COL16A1: variants seen among roughly 807,000 people sequenced by gnomAD.
The protein encoded by COL16A1 is collagen alpha-1(XVI) chain.
A neutral mutation model predicts 266.3 loss-of-function variants in COL16A1; 189 were observed. The ratio of observed to expected loss-of-function variants is 0.71; its 90% CI spans 0.63 to 0.80. COL16A1 has a LOEUF of 0.80. COL16A1 is among the 30% of genes least tolerant of loss of function. The pLI is 0.00. For missense variants in COL16A1, 1,928 were observed against 2,122.4 expected (o/e 0.91, Z 1.80); for synonymous variants, 740 against 782.3 (o/e 0.95, Z 0.90).
At chr1:31,678,531 A>C (rs1216588953) in intron 42 of COL16A1, among the ~76,000 whole-genome samples, 1 of 152,204 alleles carries the variant, frequency 6.6e-6, no homozygotes, top group Non-Finnish European at 1.5e-5. Context: ...TCCAGCTGTG[A>C]CTTAGGAATA....
chr1:31,684,455 C>T, intron 31 of COL16A1, 68 bp downstream of exon 31: 2 of 1,573,772 alleles, frequency 1.3e-6, no homozygotes, highest in South Asian at 1.2e-5. Context: ...GTCCTTCCCT[C>T]ACTGGTGCGA....
chr1:31,661,261 G>C, intron 60 of COL16A1, 142 bp from the exon 61 acceptor site: 1 of 1,492,460 alleles, frequency 6.7e-7, no homozygotes, highest in Admixed American at 1.9e-5. Context: ...GGTAGACAGA[G>C]AAGCCCTGAC....
At position 31,662,618 on chromosome 1, in the gene COL16A1, G is replaced by A; in HGVS notation, c.3596C>T (p.Ser1199Phe). 1 of 1,563,842 alleles carries A rather than the reference G, an allele frequency of 6.4e-7. No homozygotes were observed. The change falls in exon 57 of 71, where the codon TCC (serine) becomes TTC (phenylalanine). Residue 1199 changes from serine to phenylalanine, a missense_variant. Transcript: ENST00000373672. ...CCCAGGAGGTCCCGGTGGCCCAGGG[G>A]AGCCAGGCAGGCCTGATGGGCCTCG... ...GIRGPSGLPG[S>F]PGPPGPPGIQ...
chr1:31,652,690 CT>C lies in COL16A1; in HGVS notation c.4775del (p.Gln1592ArgfsTer5). On this transcript the variant is annotated frameshift_variant, in exon 71 of 71. Coordinates refer to ENST00000373672, the MANE Select transcript of COL16A1 (RefSeq NM_001856.4). LOFTEE classifies it high-confidence loss of function. The surrounding 1 kb of genome is among the most constrained non-coding windows in gnomAD (Gnocchi z 4.8). ...CCTTCATGGTTTTCATGGGTGGGTA[CT>C]GCTGCTCCATCGGCATGGCCCCAAA... The part of the protein sequence containing the change: ...DCFGAMPMEQ[Q>X]YPPMKTMKGP... 1 of 1,604,646 alleles carries C rather than the reference CT, an allele frequency of 6.2e-7. No homozygotes were observed. Among genetic ancestry groups the C allele is most frequent in the Non-Finnish European group, 8.5e-7 (1 of 1,177,182 alleles).
chr1:31,662,456 A>G (rs1213559641), intron 57 of COL16A1, 69 bp from the exon 58 acceptor site: 22 of 1,574,884 alleles, frequency 1.4e-5, no homozygotes, highest in Non-Finnish European at 1.9e-5. Flanking sequence ...GCCTGGCCCA[A>G]CCCCTCAATT....
Position 31,696,124 on chromosome 1 carries a change from C to G in COL16A1, c.882G>C (p.Thr294=). The G allele has an allele frequency of 6.2e-7, 1 of 1,613,672 alleles. No homozygotes were observed. Among genetic ancestry groups the G allele is most frequent in the Non-Finnish European group, 8.5e-7 (1 of 1,179,792 alleles). The change falls in exon 9 of 71, where the codon ACG becomes ACC. Residue 294 remains threonine (T), a synonymous_variant. Coordinates refer to ENST00000373672, the MANE Select transcript of COL16A1 (RefSeq NM_001856.4). ...PQNSEVDAQL[T]GRISQKAERG... ...TTTCTGCCTTCTGGCTGATTCTTCC[C>G]GTCAGCTGGGCATCCACCTGGGCAG...
chr1:31,688,945 C>A lies in COL16A1; in HGVS notation c.1683G>T (p.Ser561=). 2 of 1,614,178 alleles carry A rather than the reference C, an allele frequency of 1.2e-6. No individual in the cohort carries two copies. The highest frequency in any genetic ancestry group is 8.5e-7 in the Non-Finnish European group (1 of 1,180,014). The change falls in exon 25 of 71, where the codon TCG becomes TCT. Residue 561 remains serine, a synonymous_variant. Coordinates refer to ENST00000373672, the MANE Select transcript of COL16A1 (RefSeq NM_001856.4). The surrounding 1 kb of genome is among the most constrained non-coding windows in gnomAD (Gnocchi z 4.9). ...EKGEPCLSCS[S]VVGAQHLVSS... The stretch of plus-strand genomic sequence containing the variant: ...ACACAAGATGCTGGGCCCCTACAAC[C>A]GAGCTGCAGGACAAGCAGGGCTCCC...
chr1:31,692,735 G>A, intron 14 of COL16A1, 32 bp downstream of exon 14: 8 of 1,613,164 alleles, frequency 5.0e-6, no homozygotes, highest in Non-Finnish European at 6.8e-6. Context: ...CCCCATATTG[G>A]CCCTGAAGCA....
At position 31,656,444 on chromosome 1, in the gene COL16A1, C is replaced by T. The variant is rs760351842; in HGVS notation, c.4057G>A (p.Gly1353Arg). The T allele has an allele frequency of 1.9e-6, 3 of 1,612,480 alleles. No homozygotes were observed. Residue 1353 changes from glycine to arginine, a missense_variant and splice_region_variant, in exon 66 of 71, where the codon GGA becomes AGA. By Grantham distance (125) the Gly-to-Arg change is moderately radical. Transcript: ENST00000373672. The surrounding 1 kb of genome is among the most constrained non-coding windows in gnomAD (Gnocchi z 4.2). ...PGTDGAAGKE[G>R]PPGKQGFYGP... ...TAGAATCCCTGCTTTCCAGGGGGTC[C>T]CTAGAGGAAAGCAAAAGTCAGAGGT...
At chr1:31,679,908 C>A in intron 40 of COL16A1, 57 bp from the exon 41 acceptor site, 1 of 1,524,976 alleles carries the variant, frequency 6.6e-7, no homozygotes, top group Non-Finnish European at 8.8e-7. Flanking sequence ...ACGTCTACAC[C>A]AAGCGCGGGG....
rs915896186 is a variant in COL16A1, at chr1:31,689,204, C to T, written c.1621-119G>A. ...CAAACCGTCCAAACACCTAGGGGTC[C>T]CATGGGGTCCAAGGCCAGCACCCCA... On this transcript the variant is annotated intron_variant, in intron 23 of 70. Transcript: ENST00000373672. 7 of 1,514,108 alleles carry T rather than the reference C, an allele frequency of 4.6e-6. No homozygotes were observed. The African/African-American group carries it at 9.7e-5, about 21-fold the overall frequency. 93.8% of individuals were successfully genotyped at this position (1,514,108 alleles called of 1,614,324 possible).
At chr1:31,696,833 G>C in intron 8 of COL16A1, 130 bp downstream of exon 8, 1 of 1,461,142 alleles carries the variant, frequency 6.8e-7, no homozygotes. Context: ...CAAATAGGGA[G>C]GGCTTCCAGT....
chr1:31,682,566 G>C (rs1182388175), intron 37 of COL16A1, among the ~76,000 whole-genome samples: 3 of 152,138 alleles, frequency 2.0e-5, no homozygotes, highest in East Asian at 3.9e-4. Flanking sequence ...ATGGGCTTTG[G>C]TTTGAGTCAG....
rs181202241 is a variant in COL16A1, at chr1:31,658,778, G to T, written c.3930+136C>A. On this transcript the variant is annotated intron_variant, in intron 63 of 70. Transcript: ENST00000373672. ...ATCCTGGAAGGCGAGATCTTTGGAG[G>T]CAGGAGAGGCTGACACCAGGGAAGG... 255 of 1,159,420 alleles carry T rather than the reference G, an allele frequency of 2.2e-4. 1 individual carries two copies. In the African/African-American group the frequency reaches 3.5e-3, roughly 16 times the overall value. 71.8% of individuals were successfully genotyped at this position (1,159,420 alleles called of 1,614,324 possible). A position where few individuals can be genotyped will look rare whatever the true frequency, so the allele number is the denominator to read the frequency against.
In COL16A1 at chr1:31,686,243, C is replaced by T. The variant is rs1430509929; in HGVS notation, c.1839+1G>A. 2 of 1,614,242 alleles carry T rather than the reference C, an allele frequency of 1.2e-6. No individual in the cohort carries two copies. Among genetic ancestry groups the T allele is most frequent in the Admixed American group, 3.3e-5 (2 of 60,030 alleles). On this transcript the variant is annotated splice_donor_variant, in intron 27 of 70. Transcript: ENST00000373672. LOFTEE classifies it high-confidence loss of function. ...GCTGTTGCCATCCAAAACATACTTA[C>T]TGGACTGCCAGCTGGCCCTGCCTCC...
In COL16A1 at chr1:31,661,236, T is replaced by G. The variant is rs555543950; in HGVS notation, c.3772-117A>C. 1.9e-4 allele frequency: 276 copies of G among 1,469,830 alleles called. 1 individual carries two copies. The African/African-American group carries it at 3.3e-3, about 17-fold the overall frequency. The allele number at this position is 1,469,830 out of a possible 1,614,324, so 91.0% of individuals were successfully genotyped here. ...GCCCCAGCTTTGGCCAGAGGCCCTC[T>G]GATGCCCTCCAGCTGGTAGACAGAG... On this transcript the variant is annotated intron_variant, in intron 60 of 70. Transcript: ENST00000373672.
intron 9 of COL16A1, 117 bp downstream of exon 9, chr1:31,695,971 C>T (rs1247243666): frequency 2.8e-6 from 3 of 1,074,600 alleles, no homozygotes; most frequent in African/African-American, 3.1e-5. Context: ...AAGCTCTGTC[C>T]AGGAGGTGGG....
rs1370488202 is a variant in COL16A1, at chr1:31,697,154, T to A, written c.738+66A>T. On this transcript the variant is annotated intron_variant, in intron 7 of 70. Coordinates refer to ENST00000373672, the MANE Select transcript of COL16A1 (RefSeq NM_001856.4). The surrounding 1 kb of genome is among the most constrained non-coding windows in gnomAD (Gnocchi z 4.2). ...AGACTCCTCCTAAGACCTCCAGGCA[T>A]CACCTTCCAGACCCTCATCTCCAGC... 1 of 1,612,630 alleles carries A rather than the reference T, an allele frequency of 6.2e-7. No homozygotes were observed. Among genetic ancestry groups the A allele is most frequent in the Non-Finnish European group, 8.5e-7 (1 of 1,178,994 alleles).
At chr1:31,694,064 C>A in intron 12 of COL16A1, 80 bp downstream of exon 12, 1 of 1,370,004 alleles carries the variant, frequency 7.3e-7, no homozygotes, top group Non-Finnish European at 1.0e-6. Context: ...TAGAAACACA[C>A]AGCCACAGGG....
Sources: gnomAD v4.1 joint callset for allele counts (sites outside exome capture counted in the v4.1 genomes callset) on GRCh38, gnomAD v4.1.1 for gene constraint, Gnocchi (gnomAD v3.1) non-coding constraint, MANE v1.5 for transcripts, NCBI Gene and HGNC (gene_info 2026-07-23, HGNC 2026-07-21) for gene names.